The following WDFY4 variants were observed in gnomAD, a reference collection of about 807,000 sequenced individuals.
WDFY4 encodes WD repeat- and FYVE domain-containing protein 4.
A neutral mutation model predicts 351.9 loss-of-function variants in WDFY4; 169 were observed. That is an observed-to-expected ratio of 0.48 (90% CI 0.42 to 0.55). WDFY4 has a LOEUF of 0.55. Ranked by LOEUF, WDFY4 falls within the 20% of genes least tolerant of loss-of-function variation. WDFY4 has a pLI of 0.00. For synonymous variants in WDFY4, 1,622 were observed against 1,574.6 expected (o/e 1.03, Z -0.71); for missense variants, 3,803 against 3,935.6 (o/e 0.97, Z 0.90).
At position 48,964,062 on chromosome 10, in the gene WDFY4, A is replaced by G. The variant is rs750244662; in HGVS notation, c.8436+8A>G. On this transcript the variant is annotated splice_region_variant and intron_variant, in intron 54 of 61. Coordinates refer to ENST00000325239, the MANE Select transcript of WDFY4 (RefSeq NM_001394531.1). ...GGACAGGTGCCCAAACAGGTACAGCATGCCTTGTCATTTGCCTTGCTTTCT... is the reference window on the plus strand; with the variant it reads ...GGACAGGTGCCCAAACAGGTACAGCGTGCCTTGTCATTTGCCTTGCTTTCT... The G allele has an allele frequency of 1.9e-6, 3 of 1,549,438 alleles. No homozygotes were observed. The highest frequency in any genetic ancestry group is 2.6e-6 in the Non-Finnish European group (3 of 1,146,788).
Position 48,896,410 on chromosome 10 carries a change from A to G in WDFY4, c.7317-1044A>G, listed in dbSNP as rs535124361. 3.3e-5 allele frequency among the ~76,000 whole-genome samples: 5 copies of G among 152,288 alleles called. No individual in the cohort carries two copies. The East Asian group carries it at 9.7e-4, about 29-fold the overall frequency. Reference sequence around the variant, plus strand: ...TAGGGGCAGCTCAGCTGAGAGCCAGATAGCTCTCAGGGCTGCCGAAGATGT... The same window carrying G: ...TAGGGGCAGCTCAGCTGAGAGCCAGGTAGCTCTCAGGGCTGCCGAAGATGT... On this transcript the variant is annotated intron_variant, in intron 44 of 61. Transcript: ENST00000325239.
chr10:48,828,734 A>G, intron 36 of WDFY4, 44 bp from the exon 37 acceptor site: 1 of 1,193,744 alleles, frequency 8.4e-7, no homozygotes, highest in Non-Finnish European at 1.2e-6. Flanking sequence ...TCTCAAGGAA[A>G]CTGGAATTTA....
intron 14 of WDFY4, among the ~76,000 whole-genome samples, chr10:48,775,079 G>A (rs1032063509): frequency 6.6e-6 from 1 of 152,202 alleles, no homozygotes; most frequent in Non-Finnish European, 1.5e-5. Flanking sequence ...GGAGGATGGG[G>A]CAGAACCCAC....
rs748260444 is a variant in WDFY4 at position 48,970,226 on chromosome 10, T to G, written c.8865T>G (p.Thr2955=). The G allele has an allele frequency of 2.6e-6, 4 of 1,551,706 alleles. 1 individual carries two copies. In the African/African-American group the frequency reaches 5.5e-5, roughly 21 times the overall value. Residue 2955 remains threonine (T), a synonymous_variant, in exon 57 of 62, where the codon ACT becomes ACG. Transcript: ENST00000325239. ...CGATTGTCACCTCTGGGACCAGCAC[T>G]GTGGTGTGTGTGTGGGAGCTCAGCA... ...PTTIVTSGTS[T]VVCVWELSMT...
intron 43 of WDFY4, among the ~76,000 whole-genome samples, chr10:48,881,272 C>A (rs1265679479): frequency 6.6e-6 from 1 of 152,248 alleles, no homozygotes; most frequent in Non-Finnish European, 1.5e-5. Flanking sequence ...GGCCCAAGGG[C>A]CGTGTCAAGG....
At chr10:48,812,428 G>T (rs182739361) in intron 30 of WDFY4, among the ~76,000 whole-genome samples, 1 of 152,160 alleles carries the variant, frequency 6.6e-6, no homozygotes, top group East Asian at 1.9e-4. Context: ...GACCTCAGGT[G>T]ATCCACCCTC....
intron 43 of WDFY4, among the ~76,000 whole-genome samples, chr10:48,883,618 C>T (rs2070343369): frequency 6.6e-6 from 1 of 152,184 alleles, no homozygotes; most frequent in African/African-American, 2.4e-5. Context: ...GTCCCCACTC[C>T]TCCTCCCCTA....
At chr10:48,758,294 T>A (rs1208158817) in intron 12 of WDFY4, among the ~76,000 whole-genome samples, 1 of 152,198 alleles carries the variant, frequency 6.6e-6, no homozygotes, top group East Asian at 1.9e-4. Flanking sequence ...CAAATTGTCG[T>A]TCCCTTAAAT....
At chr10:48,905,169 T>G (rs952554092) in intron 47 of WDFY4, among the ~76,000 whole-genome samples, 2 of 152,170 alleles carry the variant, frequency 1.3e-5, no homozygotes, top group African/African-American at 4.8e-5. Flanking sequence ...TTATTTGTCT[T>G]TTGTCCTCAG....
chr10:48,770,729 C>A (rs12415234), intron 13 of WDFY4, among the ~76,000 whole-genome samples: 31,697 of 152,142 alleles, frequency 0.21, 3,663 homozygotes, highest in Middle Eastern at 0.3. Context: ...TAGTTCAGAG[C>A]AAATTAACTT....
At chr10:48,947,174 C>T (rs1248155707) in intron 51 of WDFY4, among the ~76,000 whole-genome samples, 1 of 152,146 alleles carries the variant, frequency 6.6e-6, no homozygotes, top group Non-Finnish European at 1.5e-5. Context: ...GTTACACCTG[C>T]ACATCTGCCC....
At chr10:48,810,915 A>G (rs529661975) in intron 29 of WDFY4, among the ~76,000 whole-genome samples, 180 bp downstream of exon 29, 29 of 152,212 alleles carry the variant, frequency 1.9e-4, no homozygotes, top group Non-Finnish European at 3.8e-4. Flanking sequence ...CCTTTGCAGG[A>G]TCCCCCGCAG....
At chr10:48,767,857 C>T (rs1589556996) in intron 13 of WDFY4, among the ~76,000 whole-genome samples, 1 of 152,228 alleles carries the variant, frequency 6.6e-6, no homozygotes, top group South Asian at 2.1e-4. Flanking sequence ...AGCTTAGCGT[C>T]CAGCTGGGTG....
intron 44 of WDFY4, among the ~76,000 whole-genome samples, chr10:48,892,840 T>A (rs1226126694): frequency 6.6e-6 from 1 of 152,198 alleles, no homozygotes; most frequent in Non-Finnish European, 1.5e-5. Flanking sequence ...AATTTGCACT[T>A]TGCACTTTGG....
intron 47 of WDFY4, among the ~76,000 whole-genome samples, chr10:48,923,956 C>T (rs1839347577): frequency 2.6e-5 from 4 of 152,182 alleles, no homozygotes; most frequent in Non-Finnish European, 4.4e-5. Context: ...CACAGCCCAC[C>T]CACACTGTGA....
chr10:48,890,776 C>T (rs1165740723), intron 44 of WDFY4, 49 bp downstream of exon 44: 1 of 1,547,414 alleles, frequency 6.5e-7, no homozygotes, highest in African/African-American at 1.4e-5. Context: ...CCCCATTCAT[C>T]CTTACCAGCC....
intron 51 of WDFY4, among the ~76,000 whole-genome samples, chr10:48,953,457 T>G (rs2133809293): frequency 6.6e-6 from 1 of 152,136 alleles, no homozygotes; most frequent in East Asian, 1.9e-4. Flanking sequence ...ATCCTGCAAG[T>G]TAAGTGGGCA....
intron 43 of WDFY4, 130 bp downstream of exon 43, chr10:48,877,329 A>G: frequency 1.1e-6 from 1 of 892,652 alleles, no homozygotes; most frequent in South Asian, 1.8e-5. Context: ...AACTTTCAAC[A>G]CAATAATCAG....
At chr10:48,939,879 C>G (rs1001959183) in intron 47 of WDFY4, among the ~76,000 whole-genome samples, 3 of 152,298 alleles carry the variant, frequency 2.0e-5, no homozygotes, top group Middle Eastern at 3.4e-3. Flanking sequence ...CTTCTGTACA[C>G]CATTCCACCT....
Sources: gnomAD v4.1 joint callset for allele counts (sites outside exome capture counted in the v4.1 genomes callset) on GRCh38, gnomAD v4.1.1 for gene constraint, MANE v1.5 for transcripts, NCBI Gene and HGNC (gene_info 2026-07-23, HGNC 2026-07-21) for gene names.